Variants in SPRED1 observed in about 807,000 individuals in gnomAD.
SPRED1 encodes sprouty-related, EVH1 domain-containing protein 1.
Under a neutral mutation model 52.3 loss-of-function variants are expected in SPRED1, and 18 were observed. That is an observed-to-expected ratio of 0.34 (90% CI 0.24 to 0.51). The LOEUF (loss-of-function observed/expected upper bound fraction) is 0.51, where lower values mean the gene tolerates loss of function less well. Ranked by LOEUF, SPRED1 falls within the 20% of genes least tolerant of loss-of-function variation. The probability of loss-of-function intolerance (pLI) is 0.97; values close to 1 mark genes in which losing one functional copy is unlikely to be tolerated. For synonymous variants in SPRED1, 155 were observed against 179.7 expected (o/e 0.86, Z 1.10); for missense variants, 485 against 551.0 (o/e 0.88, Z 1.20).
intron 1 of SPRED1, among the ~76,000 whole-genome samples, chr15:38,257,330 A>G (rs1485887899): frequency 6.6e-6 from 1 of 152,194 alleles, no homozygotes. Context: ...ATGTGGTTGA[A>G]TTAATGGAGC....
In SPRED1 at chr15:38,278,771, G is replaced by GA. The variant is rs532436942; in HGVS notation, c.33-20594dup. Among the ~76,000 whole-genome samples, 6 of 117,464 alleles carry GA rather than the reference G, an allele frequency of 5.1e-5. No individual in the cohort carries two copies. In the East Asian group the frequency reaches 1.5e-3, roughly 29 times the overall value. 77.1% of individuals were successfully genotyped at this position (117,464 alleles called of 152,430 possible). A position where few individuals can be genotyped will look rare whatever the true frequency, so the allele number is the denominator to read the frequency against. The stretch of plus-strand genomic sequence containing the variant: ...GCATTTCTAAAGGAAGAATGACAAA[G>GA]AAAAAAAAGTCTGTACATGTTCAGT... On this transcript the variant is annotated intron_variant, in intron 1 of 6. Coordinates refer to ENST00000299084, the MANE Select transcript of SPRED1 (RefSeq NM_152594.3).
intron 1 of SPRED1, among the ~76,000 whole-genome samples, chr15:38,274,940 TAAG>T (rs1894516067): frequency 6.6e-6 from 1 of 152,244 alleles, no homozygotes; most frequent in African/African-American, 2.4e-5. Flanking sequence ...ATCATTTGGT[TAAG>T]AAGATGTTTG....
chr15:38,325,263 A>G (rs1379265592), intron 4 of SPRED1, among the ~76,000 whole-genome samples: 1 of 152,216 alleles, frequency 6.6e-6, no homozygotes, highest in Non-Finnish European at 1.5e-5. Flanking sequence ...ATTTAAAATC[A>G]TGTATAAAAT....
At chr15:38,301,413 C>T (rs533607975) in intron 2 of SPRED1, among the ~76,000 whole-genome samples, 5 of 152,204 alleles carry the variant, frequency 3.3e-5, no homozygotes, top group South Asian at 2.1e-4. Context: ...TGATGTTTCA[C>T]GTAGCCATTT....
intron 1 of SPRED1, among the ~76,000 whole-genome samples, chr15:38,269,323 A>T (rs186580899): frequency 1.3e-5 from 2 of 151,912 alleles, no homozygotes; most frequent in East Asian, 3.9e-4. Context: ...CAGCACGCTA[A>T]CCTCGAACTG....
chr15:38,285,551 G>A (rs546475804), intron 1 of SPRED1, among the ~76,000 whole-genome samples: 59 of 152,180 alleles, frequency 3.9e-4, no homozygotes, highest in Non-Finnish European at 6.6e-4. Context: ...TGCTTGGCAT[G>A]TTTGAGAAGG....
At chr15:38,312,033 CTATAG>C (rs1895378155) in intron 2 of SPRED1, among the ~76,000 whole-genome samples, 1 of 151,946 alleles carries the variant, frequency 6.6e-6, no homozygotes. Flanking sequence ...CTTCAGTTCA[CTATAG>C]TATAAAGTTT....
chr15:38,331,857 A>G (rs1440607946), intron 4 of SPRED1, among the ~76,000 whole-genome samples: 3 of 152,246 alleles, frequency 2.0e-5, no homozygotes, highest in Non-Finnish European at 4.4e-5. Flanking sequence ...ACTTTATTCA[A>G]CAATTCCATT....
At chr15:38,320,467 A>G (rs1361898559) in intron 2 of SPRED1, among the ~76,000 whole-genome samples, 1 of 151,928 alleles carries the variant, frequency 6.6e-6, no homozygotes, top group Non-Finnish European at 1.5e-5. Flanking sequence ...GAAACTAGGG[A>G]GTGGTCCAGT....
intron 4 of SPRED1, 57 bp downstream of exon 4, chr15:38,324,866 G>A: frequency 7.4e-7 from 1 of 1,346,034 alleles, no homozygotes; most frequent in Non-Finnish European, 1.1e-6. Flanking sequence ...GAAATCACTA[G>A]CCTTATTCAA....
rs1312214893 is a variant in SPRED1 at position 38,253,011 on chromosome 15, G to C, written c.-175G>C. 3 of 638,140 alleles carry C rather than the reference G, an allele frequency of 4.7e-6. No homozygotes were observed. Among genetic ancestry groups the C allele is most frequent in the Non-Finnish European group, 5.6e-6 (2 of 357,922 alleles). The allele number at this position is 638,140 out of a possible 1,614,324, so 39.5% of individuals were successfully genotyped here. On this transcript the variant is annotated 5_prime_UTR_variant, in exon 1 of 7. Coordinates refer to ENST00000299084, the MANE Select transcript of SPRED1 (RefSeq NM_152594.3). Reference sequence around the variant, plus strand: ...CCGCCACCCCCCTGCGGGGGTGGCCGGGGTTCCCGGCTGGGGGGGTACCGT... The same window carrying C: ...CCGCCACCCCCCTGCGGGGGTGGCCCGGGTTCCCGGCTGGGGGGGTACCGT...
chr15:38,339,081 C>T (rs1212836026), intron 4 of SPRED1, among the ~76,000 whole-genome samples: 3 of 151,934 alleles, frequency 2.0e-5, no homozygotes, highest in South Asian at 4.1e-4. Flanking sequence ...CAAAGCCCTT[C>T]CAGGACTTTG....
At chr15:38,341,889 A>T (rs1363131182) in intron 5 of SPRED1, among the ~76,000 whole-genome samples, 1 of 151,952 alleles carries the variant, frequency 6.6e-6, no homozygotes, top group Non-Finnish European at 1.5e-5. Flanking sequence ...ATCTCTGGTA[A>T]TACTTCTTGC....
rs762478369 is a variant in SPRED1, at chr15:38,351,041, A to G, written c.712A>G (p.Ser238Gly). Residue 238 changes from serine to glycine, a missense_variant, in exon 7 of 7, where the codon AGC becomes GGC. By Grantham distance (56) the Ser-to-Gly change is moderately conservative. This residue lies in a region of SPRED1 where 232 missense variants were observed against 231.8 expected (regional missense o/e 1.00). Coordinates refer to ENST00000299084, the MANE Select transcript of SPRED1 (RefSeq NM_152594.3). ...RVPLKSIRHV[S>G]FQDEDEIVRI... is the part of the protein sequence containing the mutation. The stretch of plus-strand genomic sequence containing the variant: ...CCCTTTGAAATCAATCAGACATGTC[A>G]GCTTTCAAGATGAGGATGAGATTGT... The G allele has an allele frequency of 6.2e-7, 1 of 1,613,726 alleles. No individual in the cohort carries two copies.
In SPRED1 at chr15:38,353,117, G is replaced by T. The variant is rs1288331974; in HGVS notation, c.*1453G>T. 1 of 152,386 alleles carries T rather than the reference G, an allele frequency of 6.6e-6. No individual in the cohort carries two copies. Among genetic ancestry groups the T allele is most frequent in the Non-Finnish European group, 1.5e-5 (1 of 67,924 alleles). The allele number at this position is 152,386 out of a possible 1,614,324, so 9.4% of individuals were successfully genotyped here. ...GGTTCTTTAAGAACATTCCCTTAGA[G>T]GGATAAAGTTGAGAAGTGTGCCTTT... On this transcript the variant is annotated 3_prime_UTR_variant, in exon 7 of 7. Transcript: ENST00000299084.
rs10627721 is a variant in SPRED1 at position 38,289,229 on chromosome 15, G to GAAA, written c.33-10136_33-10134dup. On this transcript the variant is annotated intron_variant, in intron 1 of 6. Coordinates refer to ENST00000299084, the MANE Select transcript of SPRED1 (RefSeq NM_152594.3). ...AAACTGCAATCAGTGCTTTGAAATG[G>GAAA]AAAAAAAAAAGGTAATCTCTTTAAT... Among the ~76,000 whole-genome samples the GAAA allele has an allele frequency of 2.2e-3, 327 of 149,458 alleles. 1 individual carries two copies. The highest frequency in any genetic ancestry group is 5.9e-3 in the African/African-American group (242 of 41,062).
At chr15:38,302,065 C>A (rs1916150) in intron 2 of SPRED1, among the ~76,000 whole-genome samples, 139,203 of 152,038 alleles carry the variant, frequency 0.92, 64,969 homozygotes, top group East Asian at 1. Flanking sequence ...CCTGTGGATC[C>A]CATCTTAGAA....
At chr15:38,335,177 G>T (rs1249413312) in intron 4 of SPRED1, among the ~76,000 whole-genome samples, 2 of 151,986 alleles carry the variant, frequency 1.3e-5, no homozygotes, top group African/African-American at 2.4e-5. Context: ...TCTATGTACT[G>T]TGTAAATTAT....
intron 1 of SPRED1, among the ~76,000 whole-genome samples, chr15:38,266,849 A>G (rs200053644): frequency 1.4e-5 from 2 of 143,124 alleles, no homozygotes; most frequent in Non-Finnish European, 3.1e-5. Context: ...AAAAAAAAAA[A>G]TTATTGGATG....
Sources: allele counts gnomAD v4.1 joint callset (sites outside exome capture counted in the v4.1 genomes callset), GRCh38; gene constraint gnomAD v4.1.1; regional missense constraint gnomAD v4.1.1; transcripts MANE v1.5; gene names NCBI Gene and HGNC (gene_info 2026-07-23, HGNC 2026-07-21).